Variants in THSD4 observed in about 807,000 individuals in gnomAD.
The protein encoded by THSD4 is thrombospondin type 1 domain containing 4.
THSD4 carries 69 observed loss-of-function variants against 119.0 expected under a neutral mutation model. That is an observed-to-expected ratio of 0.58 (90% CI 0.48 to 0.71). The LOEUF (loss-of-function observed/expected upper bound fraction) is 0.71. Ranked by LOEUF, THSD4 falls within the 30% of genes least tolerant of loss-of-function variation. The pLI is 0.00. For synonymous variants in THSD4, 524 were observed against 540.4 expected (o/e 0.97, Z 0.42); for missense variants, 1,393 against 1,391.1 (o/e 1.00, Z -0.02).
chr15:71,451,853 A>G (rs1050473323), intron 7 of THSD4, among the ~76,000 whole-genome samples: 8 of 151,938 alleles, frequency 5.3e-5, no homozygotes, highest in African/African-American at 1.9e-4. Context: ...TGTGCTCCCC[A>G]TTGTTCTTCT....
At chr15:71,148,640 G>A (rs757361871) in intron 2 of THSD4, among the ~76,000 whole-genome samples, 4 of 152,158 alleles carry the variant, frequency 2.6e-5, no homozygotes, top group Non-Finnish European at 5.9e-5. Context: ...ATTCTTGCAA[G>A]CAGTGGCAGA....
chr15:71,675,764 G>A (rs529778867), intron 8 of THSD4, among the ~76,000 whole-genome samples: 8 of 152,304 alleles, frequency 5.3e-5, no homozygotes, highest in African/African-American at 1.9e-4. Context: ...TTTGTGAGGG[G>A]TGGAGTCAGG....
At chr15:71,230,811 A>G (rs1351552254) in intron 4 of THSD4, among the ~76,000 whole-genome samples, 1 of 152,240 alleles carries the variant, frequency 6.6e-6, no homozygotes, top group African/African-American at 2.4e-5. Context: ...CCTTAGCTGG[A>G]AGCATCTCTC....
chr15:71,764,124 T>G (rs938929046), intron 15 of THSD4, among the ~76,000 whole-genome samples: 8 of 148,580 alleles, frequency 5.4e-5, no homozygotes, highest in Non-Finnish European at 8.9e-5. Flanking sequence ...TGCACACCTG[T>G]GGTCCCAGCT....
At chr15:71,487,738 A>G (rs907421344) in intron 7 of THSD4, among the ~76,000 whole-genome samples, 1 of 152,254 alleles carries the variant, frequency 6.6e-6, no homozygotes, top group Non-Finnish European at 1.5e-5. Flanking sequence ...TGACTTTAAC[A>G]TTTTAAAAAT....
intron 7 of THSD4, among the ~76,000 whole-genome samples, chr15:71,515,233 T>C (rs531893598): frequency 9.3e-4 from 141 of 152,354 alleles, no homozygotes; most frequent in African/African-American, 3.2e-3. Context: ...CTCTTTTCAT[T>C]GAAGCACCTG....
chr15:71,631,726 A>C (rs1400995730), intron 7 of THSD4, among the ~76,000 whole-genome samples: 1 of 152,218 alleles, frequency 6.6e-6, no homozygotes, highest in African/African-American at 2.4e-5. Flanking sequence ...TGAGGGTAAG[A>C]AATTTGCTTC....
chr15:71,642,664 G>A (rs905888651), intron 7 of THSD4, among the ~76,000 whole-genome samples: 9 of 151,986 alleles, frequency 5.9e-5, no homozygotes, highest in Admixed American at 5.2e-4. Context: ...CACGGATGAA[G>A]TTGGAAATCA....
At chr15:71,640,370 T>G (rs1292055640) in intron 7 of THSD4, among the ~76,000 whole-genome samples, 1 of 152,120 alleles carries the variant, frequency 6.6e-6, no homozygotes. Context: ...TGTGAGCCAC[T>G]GCACCTGGCC....
At chr15:71,370,913 TA>T (rs1369449567) in intron 6 of THSD4, among the ~76,000 whole-genome samples, 2 of 152,230 alleles carry the variant, frequency 1.3e-5, no homozygotes, top group Admixed American at 1.3e-4. Context: ...TGTGGGAGTC[TA>T]AGTCTCTTTG....
At chr15:71,710,234 C>G (rs1279569583) in intron 8 of THSD4, among the ~76,000 whole-genome samples, 1 of 152,226 alleles carries the variant, frequency 6.6e-6, no homozygotes. Context: ...ATTCCACCCT[C>G]TGTTCCAGGA....
intron 7 of THSD4, among the ~76,000 whole-genome samples, chr15:71,476,723 C>G (rs925648527): frequency 1.3e-5 from 2 of 152,226 alleles, no homozygotes; most frequent in African/African-American, 2.4e-5. Context: ...GAAGAGAGCT[C>G]ACAGCGGAAT....
At chr15:71,566,240 T>C (rs1567040134) in intron 7 of THSD4, among the ~76,000 whole-genome samples, 1 of 151,752 alleles carries the variant, frequency 6.6e-6, no homozygotes, top group Non-Finnish European at 1.5e-5. Context: ...GGTTTGGAGG[T>C]TGTGTGTTTT....
At chr15:71,343,982 G>GGGGGT (rs1434078509) in intron 6 of THSD4, among the ~76,000 whole-genome samples, 2 of 151,398 alleles carry the variant, frequency 1.3e-5, no homozygotes, top group Non-Finnish European at 2.9e-5. Flanking sequence ...CCAAAGTGAT[G>GGGGGT]GGGGTGGGGT....
chr15:71,336,567 G>T (rs1300924608), intron 6 of THSD4, among the ~76,000 whole-genome samples: 3 of 152,164 alleles, frequency 2.0e-5, no homozygotes, highest in African/African-American at 7.2e-5. Flanking sequence ...CCATATCTGA[G>T]TTTGTTTTGA....
intron 7 of THSD4, among the ~76,000 whole-genome samples, chr15:71,518,275 T>A (rs995473219): frequency 8.5e-5 from 13 of 152,144 alleles, no homozygotes; most frequent in African/African-American, 3.1e-4. Context: ...TGCTAATTTA[T>A]ATAAGAAGTT....
chr15:71,451,597 A>G (rs759629171), intron 7 of THSD4, among the ~76,000 whole-genome samples: 20 of 152,158 alleles, frequency 1.3e-4, no homozygotes, highest in Admixed American at 6.5e-4. Context: ...TTGCATTAAC[A>G]CTTGGTAGAC....
intron 7 of THSD4, among the ~76,000 whole-genome samples, chr15:71,462,014 A>G (rs921574314): frequency 1.7e-4 from 26 of 152,200 alleles, no homozygotes; most frequent in African/African-American, 6.3e-4. Flanking sequence ...GCTCCTTCAG[A>G]GCTGAAGAAA....
At chr15:71,359,915 A>G (rs2045869753) in intron 6 of THSD4, among the ~76,000 whole-genome samples, 1 of 152,216 alleles carries the variant, frequency 6.6e-6, no homozygotes, top group Non-Finnish European at 1.5e-5. Context: ...CCACCTTGTT[A>G]TCTTGTGTCT....
Sources: allele counts gnomAD v4.1 joint callset (sites outside exome capture counted in the v4.1 genomes callset), GRCh38; gene constraint gnomAD v4.1.1; transcripts MANE v1.5; gene names NCBI Gene and HGNC (gene_info 2026-07-23, HGNC 2026-07-21).